THRAP3: variants seen among roughly 807,000 people sequenced by gnomAD.
THRAP3 encodes the protein thyroid hormone receptor-associated protein 3.
Under a neutral mutation model 101.0 loss-of-function variants are expected in THRAP3, and 16 were observed. The ratio of observed to expected loss-of-function variants is 0.16; its 90% CI spans 0.11 to 0.24. The LOEUF is 0.24. Ranked by LOEUF, THRAP3 falls within the 10% of genes least tolerant of loss-of-function variation. THRAP3 has a pLI of 1.00. For missense variants in THRAP3, 989 were observed against 1,202.7 expected (o/e 0.82, Z 2.63); for synonymous variants, 407 against 422.6 (o/e 0.96, Z 0.45).
At chr1:36,266,645 A>G (rs1333922453) in intron 2 of THRAP3, among the ~76,000 whole-genome samples, 2 of 152,182 alleles carry the variant, frequency 1.3e-5, no homozygotes, top group African/African-American at 2.4e-5. Flanking sequence ...CCCTCACCCC[A>G]GTAGGATTCT....
the THRAP3 span, among the ~76,000 whole-genome samples, chr1:36,216,698 T>C: frequency 1.3e-5 from 2 of 151,708 alleles, no homozygotes; most frequent in East Asian, 1.9e-4. Flanking sequence ...GGTGGGAGGA[T>C]TGCTTGAGCC....
In THRAP3 at chr1:36,288,675, T is replaced by C. The variant is rs190905367; in HGVS notation, c.1041-385T>C. ...AAGGTTGAACATTCTATGTTAACTT[T>C]GCTGAAAGCAGATTTTAAGTGACTG... On this transcript the variant is annotated intron_variant, in intron 4 of 11. Transcript: ENST00000354618. The C allele has an allele frequency of 7.1e-6, 7 of 985,522 alleles. No individual in the cohort carries two copies. The East Asian group carries it at 7.9e-4, about 112-fold the overall frequency. The allele number at this position is 985,522 out of a possible 1,614,324, so 61.0% of individuals were successfully genotyped here.
chr1:36,242,731 G>A (rs183675800), intron 1 of THRAP3, among the ~76,000 whole-genome samples: 5 of 152,142 alleles, frequency 3.3e-5, no homozygotes, highest in African/African-American at 4.8e-5. Flanking sequence ...GATTACAGGC[G>A]TGAGCCACCA....
chr1:36,271,718 T>C (rs1382347751), intron 2 of THRAP3, among the ~76,000 whole-genome samples: 2 of 151,140 alleles, frequency 1.3e-5, no homozygotes, highest in Non-Finnish European at 2.9e-5. Context: ...CTCAGCCTCC[T>C]TAGTAGTTGG....
intron 1 of THRAP3, among the ~76,000 whole-genome samples, chr1:36,239,013 A>G (rs1645123589): frequency 6.6e-6 from 1 of 151,906 alleles, no homozygotes; most frequent in Admixed American, 6.6e-5. Flanking sequence ...GGCTCACTGC[A>G]AGCTCCGCCT....
chr1:36,285,689 T>G (rs1391261974), intron 3 of THRAP3, among the ~76,000 whole-genome samples: 1 of 152,238 alleles, frequency 6.6e-6, no homozygotes, highest in Non-Finnish European at 1.5e-5. Context: ...CACAGAAATA[T>G]GACCTAAGTA....
intron 9 of THRAP3, among the ~76,000 whole-genome samples, chr1:36,299,416 C>T (rs1017614549): frequency 3.3e-5 from 5 of 151,664 alleles, no homozygotes; most frequent in South Asian, 2.1e-4. Flanking sequence ...TCCAGCCTGG[C>T]GACAGAGTGA....
intron 2 of THRAP3, among the ~76,000 whole-genome samples, chr1:36,270,359 A>T (rs1645571709): frequency 6.6e-6 from 1 of 152,014 alleles, no homozygotes. Context: ...GAGCCACTGC[A>T]CTCCAGTCTG....
intron 2 of THRAP3, among the ~76,000 whole-genome samples, chr1:36,262,791 TTTA>T (rs1217704604): frequency 6.8e-6 from 1 of 146,846 alleles, no homozygotes; most frequent in Non-Finnish European, 1.5e-5. Flanking sequence ...ATTTTATTTA[TTTA>T]TTATTATTAT....
At position 36,304,156 on chromosome 1, in the gene THRAP3, G is replaced by A. The variant is rs1027829404; in HGVS notation, c.*139G>A. On this transcript the variant is annotated 3_prime_UTR_variant, in exon 12 of 12. Coordinates refer to ENST00000354618, the MANE Select transcript of THRAP3 (RefSeq NM_005119.4). ...CACCAGCCGCACAGATTGTACTACC[G>A]CGAGAGGCATCCCTGGCGCTGTCTC... is the stretch of plus-strand genomic sequence containing the variant. 19 of 1,300,624 alleles carry A rather than the reference G, an allele frequency of 1.5e-5. No individual in the cohort carries two copies. The highest frequency in any genetic ancestry group is 6.1e-5 in the African/African-American group (4 of 66,078). 80.6% of individuals were successfully genotyped at this position (1,300,624 alleles called of 1,614,324 possible). A position where few individuals can be genotyped will look rare whatever the true frequency, so the allele number is the denominator to read the frequency against.
At chr1:36,272,484 T>C (rs1428219352) in intron 2 of THRAP3, among the ~76,000 whole-genome samples, 1 of 152,178 alleles carries the variant, frequency 6.6e-6, no homozygotes, top group Non-Finnish European at 1.5e-5. Context: ...TCTGTTTCTG[T>C]GTCTTTTACT....
At chr1:36,233,435 G>A (rs1225346521) in intron 1 of THRAP3, among the ~76,000 whole-genome samples, 4 of 148,946 alleles carry the variant, frequency 2.7e-5, no homozygotes, top group Admixed American at 6.6e-5. Flanking sequence ...GAACCTGGGA[G>A]GGGGAGCTTG....
rs531424413 is a variant in THRAP3, at chr1:36,225,478, C to T, written c.-135+973C>T. The T allele has an allele frequency of 2.0e-5, 3 of 152,278 alleles. No individual in the cohort carries two copies. In the South Asian group the frequency reaches 6.2e-4, roughly 32 times the overall value. 9.4% of individuals were successfully genotyped at this position (152,278 alleles called of 1,614,324 possible). On this transcript the variant is annotated intron_variant, in intron 1 of 11. Transcript: ENST00000354618. ...CTAAAACAGCAGTAAGTAACAGTGA[C>T]CCCTTTACAGGGTTATTGTGGAGAC...
intron 2 of THRAP3, among the ~76,000 whole-genome samples, chr1:36,269,997 CAG>C (rs1645567500): frequency 6.6e-6 from 1 of 152,210 alleles, no homozygotes; most frequent in Non-Finnish European, 1.5e-5. Context: ...AGTCTGCCTG[CAG>C]AGTATTGATA....
chr1:36,273,599 A>G (rs1043014106), intron 2 of THRAP3, among the ~76,000 whole-genome samples: 6 of 152,238 alleles, frequency 3.9e-5, no homozygotes, highest in Non-Finnish European at 7.3e-5. Flanking sequence ...AGGCAAGAAA[A>G]TGAAACACGA....
the THRAP3 span, among the ~76,000 whole-genome samples, chr1:36,214,592 C>T: frequency 2.0e-5 from 3 of 152,282 alleles, no homozygotes; most frequent in African/African-American, 2.4e-5. Context: ...GGCTCATTGG[C>T]TTATGCCTGT....
the THRAP3 span, among the ~76,000 whole-genome samples, chr1:36,213,191 G>C: frequency 6.6e-6 from 1 of 152,146 alleles, no homozygotes; most frequent in East Asian, 1.9e-4. Context: ...AGATTACACT[G>C]AGGGTTTAGG....
At chr1:36,287,906 G>A in intron 4 of THRAP3, 1 of 985,420 alleles carries the variant, frequency 1.0e-6, no homozygotes, top group South Asian at 4.7e-5. Flanking sequence ...TTGTATGGTT[G>A]GATGGATTGG....
chr1:36,280,422 CAAAT>C (rs1386053474), intron 2 of THRAP3, among the ~76,000 whole-genome samples: 2 of 152,104 alleles, frequency 1.3e-5, no homozygotes, highest in Non-Finnish European at 2.9e-5. Context: ...TCTGAAGAAA[CAAAT>C]AAGATACATA....
Sources: gnomAD v4.1 joint callset for allele counts (sites outside exome capture counted in the v4.1 genomes callset) on GRCh38, gnomAD v4.1.1 for gene constraint, MANE v1.5 for transcripts, NCBI Gene and HGNC (gene_info 2026-07-23, HGNC 2026-07-21) for gene names.